Variants in PUM3 observed in about 807,000 individuals in gnomAD.
The protein encoded by PUM3 is pumilio homolog 3.
A neutral mutation model predicts 84.0 loss-of-function variants in PUM3; 91 were observed. The ratio of observed to expected loss-of-function variants is 1.08; its 90% CI spans 0.91 to 1.29. The LOEUF (loss-of-function observed/expected upper bound fraction) is 1.29, where lower values mean the gene tolerates loss of function less well. Ranked by LOEUF, PUM3 falls within the 50% of genes most tolerant of loss-of-function variation. The pLI, the probability that PUM3 is intolerant of heterozygous loss-of-function variation, is 0.00. For synonymous variants in PUM3, 321 were observed against 266.7 expected (o/e 1.20, Z -1.98); for missense variants, 1,067 against 767.5 (o/e 1.39, Z -4.61).
At chr9:2,836,675 G>A (rs1816129729) in intron 3 of PUM3, among the ~76,000 whole-genome samples, 1 of 152,150 alleles carries the variant, frequency 6.6e-6, no homozygotes, top group African/African-American at 2.4e-5. Context: ...TGTGAAGGCA[G>A]GGTCTCTATG....
In PUM3 at chr9:2,826,522, T is replaced by C. The variant is rs182001563; in HGVS notation, c.1035+551A>G. ...CTTGTGATTGGAAAATGAGGACAAA[T>C]GGACAATGAGCTCACTGTATGATGA... On this transcript the variant is annotated intron_variant, in intron 10 of 17. Coordinates refer to ENST00000397885, the MANE Select transcript of PUM3 (RefSeq NM_014878.5). Among the ~76,000 whole-genome samples, 185 of 152,270 alleles carry C rather than the reference T, an allele frequency of 1.2e-3. 5 individuals carry two copies. In the South Asian group the frequency reaches 0.02, roughly 17 times the overall value.
intron 7 of PUM3, 81 bp from the exon 8 acceptor site, chr9:2,830,029 A>G: frequency 8.1e-7 from 1 of 1,229,672 alleles, no homozygotes; most frequent in Non-Finnish European, 1.2e-6. Context: ...ACTTCTCCCA[A>G]GACCAACTCA....
intron 3 of PUM3, among the ~76,000 whole-genome samples, chr9:2,835,579 G>A (rs10812770): frequency 0.44 from 66,883 of 151,802 alleles, 15,437 homozygotes; most frequent in South Asian, 0.57. Context: ...TCCCTGTCTG[G>A]TAATACAAAA....
Position 2,834,177 on chromosome 9 carries a change from T to A in PUM3, c.305-11A>T. 6.2e-7 allele frequency: 1 copy of A among 1,604,718 alleles called. No homozygotes were observed. Among genetic ancestry groups the A allele is most frequent in the Non-Finnish European group, 8.5e-7 (1 of 1,176,206 alleles). The stretch of plus-strand genomic sequence containing the variant: ...TCTTGGCTGCTGATTCTAGTTATTA[T>A]AGAAATTATTTTCAATTACATTTAA... On this transcript the variant is annotated splice_polypyrimidine_tract_variant and intron_variant, in intron 3 of 17. Transcript: ENST00000397885.
At chr9:2,815,327 C>T (rs1008542457) in intron 13 of PUM3, among the ~76,000 whole-genome samples, 1 of 152,122 alleles carries the variant, frequency 6.6e-6, no homozygotes, top group African/African-American at 2.4e-5. Context: ...CAAAAACATA[C>T]ACCTTTGAAA....
chr9:2,841,942 C>G (rs1034127787), intron 1 of PUM3, among the ~76,000 whole-genome samples: 1 of 152,194 alleles, frequency 6.6e-6, no homozygotes, highest in African/African-American at 2.4e-5. Flanking sequence ...ACCACAGTAT[C>G]TTACAGAAAA....
rs572752267 is a variant in PUM3, at chr9:2,821,443, C to CAAAAAAAAAAAAAAAAAAAAA, written c.1189-1346_1189-1345insTTTTTTTTTTTTTTTTTTTTT. On this transcript the variant is annotated intron_variant, in intron 12 of 17. Coordinates refer to ENST00000397885, the MANE Select transcript of PUM3 (RefSeq NM_014878.5). Reference sequence around the variant, plus strand: ...TGGGCGACAGAGCAAGACTCTGTCTCAAAAAAAAAAAAAAAAAAAGAACAT... The same window carrying CAAAAAAAAAAAAAAAAAAAAA: ...TGGGCGACAGAGCAAGACTCTGTCTCAAAAAAAAAAAAAAAAAAAAAAAAAAAAAAAAAAAAAAAAGAACAT... 3.0e-3 allele frequency among the ~76,000 whole-genome samples: 151 copies of CAAAAAAAAAAAAAAAAAAAAA among 50,066 alleles called. 15 individuals carry two copies. Among genetic ancestry groups the CAAAAAAAAAAAAAAAAAAAAA allele is most frequent in the African/African-American group, 3.9e-3 (49 of 12,406 alleles). 32.8% of individuals were successfully genotyped at this position (50,066 alleles called of 152,430 possible).
At chr9:2,837,900 T>G (rs1238812786) in intron 2 of PUM3, among the ~76,000 whole-genome samples, 1 of 152,138 alleles carries the variant, frequency 6.6e-6, no homozygotes, top group Non-Finnish European at 1.5e-5. Flanking sequence ...TTAAAGCCTA[T>G]ATTAAAATTA....
At position 2,809,537 on chromosome 9, in the gene PUM3, T is replaced by C. The variant is rs182005277; in HGVS notation, c.1723+807A>G. Among the ~76,000 whole-genome samples the C allele has an allele frequency of 3.1e-4, 47 of 152,332 alleles. No individual in the cohort carries two copies. In the East Asian group the frequency reaches 8.3e-3, roughly 27 times the overall value. ...GTGAGAAGTGACAGCTCTACTGCTA[T>C]ACTGATTGCCACACTAGCCATCAGA... On this transcript the variant is annotated intron_variant, in intron 16 of 17. Transcript: ENST00000397885.
At chr9:2,835,369 C>A (rs533733732) in intron 3 of PUM3, among the ~76,000 whole-genome samples, 2 of 152,080 alleles carry the variant, frequency 1.3e-5, no homozygotes, top group Non-Finnish European at 2.9e-5. Context: ...AGTGAGCCAT[C>A]ATCACGCCAT....
intron 10 of PUM3, among the ~76,000 whole-genome samples, chr9:2,826,447 T>C (rs1326867011): frequency 6.6e-6 from 1 of 150,916 alleles, no homozygotes; most frequent in Non-Finnish European, 1.5e-5. Context: ...CTCCAATGAA[T>C]GTATAGTCTG....
Position 2,827,098 on chromosome 9 carries a change from G to A in PUM3, c.1010C>T (p.Thr337Ile). 2 of 1,609,144 alleles carry A rather than the reference G, an allele frequency of 1.2e-6. No individual in the cohort carries two copies. The highest frequency in any genetic ancestry group is 8.5e-7 in the Non-Finnish European group (1 of 1,178,320). ...LVHKVFLDFFTYAPPKLRSEM... is the reference protein window; with the variant it reads ...LVHKVFLDFFIYAPPKLRSEM... ...TGATCTGAGTTTGGGGGGTGCATAG[G>A]TAAAAAAGTCCAAGAATACTTTATG... The change falls in exon 10 of 18, where the codon ACC becomes ATC. Residue 337 changes from threonine to isoleucine, a missense_variant. Physicochemically the swap from Thr to Ile is moderately conservative, Grantham distance 89. Transcript: ENST00000397885.
At chr9:2,815,314 C>A (rs1331770273) in intron 13 of PUM3, among the ~76,000 whole-genome samples, 1 of 152,136 alleles carries the variant, frequency 6.6e-6, no homozygotes, top group Non-Finnish European at 1.5e-5. Context: ...TTTCCCCTAC[C>A]ATCAAAAACA....
intron 17 of PUM3, 68 bp downstream of exon 17, chr9:2,807,745 TC>T (rs752419563): frequency 5.1e-5 from 49 of 966,300 alleles, no homozygotes; most frequent in Non-Finnish European, 7.2e-5. Context: ...AACTGAGAAA[TC>T]AACGTGAAGG....
rs752741675 is a variant in PUM3 at position 2,838,521 on chromosome 9, G to A, written c.-10-4C>T. 1 of 1,607,524 alleles carries A rather than the reference G, an allele frequency of 6.2e-7. No individual in the cohort carries two copies. The highest frequency in any genetic ancestry group is 1.1e-5 in the South Asian group (1 of 90,924). ...TTTAACTTCCATCGTAGCAACTCTG[G>A]AAAACCAAAACCAAAACCAAAAACA... On this transcript the variant is annotated splice_polypyrimidine_tract_variant and splice_region_variant and intron_variant, in intron 1 of 17. Transcript: ENST00000397885.
At chr9:2,813,319 G>A (rs1313522745) in intron 13 of PUM3, among the ~76,000 whole-genome samples, 2 of 152,200 alleles carry the variant, frequency 1.3e-5, no homozygotes, top group Non-Finnish European at 2.9e-5. Context: ...TAGAGAAGAT[G>A]CAACAGAAGA....
At chr9:2,835,830 T>A (rs188483998) in intron 3 of PUM3, among the ~76,000 whole-genome samples, 283 of 152,180 alleles carry the variant, frequency 1.9e-3, no homozygotes, top group Middle Eastern at 6.8e-3. Context: ...AAATCCAGAG[T>A]CCCATTTTGA....
intron 16 of PUM3, among the ~76,000 whole-genome samples, chr9:2,809,652 G>C (rs1354772720): frequency 6.6e-6 from 1 of 152,034 alleles, no homozygotes; most frequent in African/African-American, 2.4e-5. Context: ...AACTCAGTAG[G>C]GGAAAAAAAT....
At chr9:2,839,238 G>T (rs1283662691) in intron 1 of PUM3, among the ~76,000 whole-genome samples, 2 of 152,152 alleles carry the variant, frequency 1.3e-5, no homozygotes, top group Non-Finnish European at 2.9e-5. Flanking sequence ...CAGCAGAACA[G>T]ATCAAGAGAA....
Sources: gnomAD v4.1 joint callset for allele counts (sites outside exome capture counted in the v4.1 genomes callset) on GRCh38, gnomAD v4.1.1 for gene constraint, MANE v1.5 for transcripts, NCBI Gene and HGNC (gene_info 2026-07-23, HGNC 2026-07-21) for gene names.